Variants in GHR observed in about 807,000 individuals in gnomAD.
The protein encoded by GHR is GH receptor.
Under a neutral mutation model 67.1 loss-of-function variants are expected in GHR, and 35 were observed. The observed-to-expected ratio is 0.52, with a 90% CI of 0.40 to 0.69. The LOEUF (loss-of-function observed/expected upper bound fraction) is 0.69, where lower values mean the gene tolerates loss of function less well. Ranked by LOEUF, GHR falls within the 30% of genes least tolerant of loss-of-function variation. GHR has a pLI of 0.00. For synonymous variants in GHR, 272 were observed against 269.1 expected (o/e 1.01, Z -0.10); for missense variants, 792 against 764.6 (o/e 1.04, Z -0.42).
chr5:42,472,563 G>A (rs1205379288), intron 1 of GHR, among the ~76,000 whole-genome samples: 1 of 152,190 alleles, frequency 6.6e-6, no homozygotes, highest in Non-Finnish European at 1.5e-5. Flanking sequence ...TGCCTAAGTG[G>A]AACATGGTGT....
At chr5:42,443,988 TATAGAC>T (rs1343712079) in intron 1 of GHR, among the ~76,000 whole-genome samples, 91 of 151,610 alleles carry the variant, frequency 6.0e-4, no homozygotes, top group Non-Finnish European at 1.1e-3. Flanking sequence ...TAGATATAGA[TATAGAC>T]ATAGACATAG....
chr5:42,660,918 C>G (rs1462841050), intron 3 of GHR, among the ~76,000 whole-genome samples: 1 of 152,096 alleles, frequency 6.6e-6, no homozygotes, highest in Non-Finnish European at 1.5e-5. Flanking sequence ...CTTAAAGGAG[C>G]TGATGGAGCT....
chr5:42,488,434 A>T (rs1271394368), intron 1 of GHR, among the ~76,000 whole-genome samples: 1 of 152,120 alleles, frequency 6.6e-6, no homozygotes, highest in African/African-American at 2.4e-5. Context: ...GCGCACAATT[A>T]CTGTATTCTT....
chr5:42,564,130 GTGTGAGATTTATTTGAAA>G (rs1376013971), intron 1 of GHR, among the ~76,000 whole-genome samples: 2 of 149,502 alleles, frequency 1.3e-5, no homozygotes, highest in African/African-American at 2.5e-5. Context: ...ATCTCACAAA[GTGTGAGATTTATTTGAAA>G]TCTCACAAAG....
At chr5:42,547,752 C>G (rs1264309221) in intron 1 of GHR, among the ~76,000 whole-genome samples, 2 of 152,146 alleles carry the variant, frequency 1.3e-5, no homozygotes, top group Non-Finnish European at 2.9e-5. Context: ...CTACTTTATA[C>G]TGCTGACAAA....
chr5:42,464,874 A>G (rs902916439), intron 1 of GHR, among the ~76,000 whole-genome samples: 1 of 152,232 alleles, frequency 6.6e-6, no homozygotes, highest in African/African-American at 2.4e-5. Context: ...CCAGGTTAGA[A>G]GTAACTAGGG....
rs74333472 is a variant in GHR, at chr5:42,618,188, G to T, written c.71-10850G>T. Reference sequence around the variant, plus strand: ...TCACCATATCCATCTACATTTGCTTGCTAGTAGAGCTTCCATTTTCTACTG... The same window carrying T: ...TCACCATATCCATCTACATTTGCTTTCTAGTAGAGCTTCCATTTTCTACTG... On this transcript the variant is annotated intron_variant, in intron 2 of 9. Transcript: ENST00000230882. Among the ~76,000 whole-genome samples the T allele has an allele frequency of 9.0e-3, 1,365 of 152,136 alleles. 19 individuals are homozygous for T. The highest frequency in any genetic ancestry group is 0.032 in the African/African-American group (1,316 of 41,508).
chr5:42,576,079 TA>T (rs1209617331), intron 2 of GHR, among the ~76,000 whole-genome samples: 99 of 89,648 alleles, frequency 1.1e-3, no homozygotes, highest in Admixed American at 1.9e-3. Context: ...TAAAATAAAA[TA>T]AAATAAAATA....
intron 3 of GHR, among the ~76,000 whole-genome samples, chr5:42,653,544 G>T (rs1755109127): frequency 6.6e-6 from 1 of 152,116 alleles, no homozygotes; most frequent in Non-Finnish European, 1.5e-5. Flanking sequence ...TAATTCAGCT[G>T]TATTGGCACA....
intron 2 of GHR, among the ~76,000 whole-genome samples, chr5:42,604,923 A>C (rs2112647482): frequency 6.6e-6 from 1 of 152,032 alleles, no homozygotes; most frequent in South Asian, 2.1e-4. Flanking sequence ...TAGAGGATTT[A>C]TCTAGTTCTT....
chr5:42,683,495 T>C (rs1020895653), intron 3 of GHR, among the ~76,000 whole-genome samples: 1 of 152,234 alleles, frequency 6.6e-6, no homozygotes, highest in Non-Finnish European at 1.5e-5. Context: ...ATCCACTCCA[T>C]GCTGCCATAT....
chr5:42,640,458 T>G (rs1754409878), intron 3 of GHR, among the ~76,000 whole-genome samples: 2 of 152,196 alleles, frequency 1.3e-5, no homozygotes, highest in African/African-American at 2.4e-5. Context: ...TTACTGCTGC[T>G]GCTGCTGTTA....
At chr5:42,683,800 C>G (rs143230078) in intron 3 of GHR, among the ~76,000 whole-genome samples, 2 of 152,166 alleles carry the variant, frequency 1.3e-5, no homozygotes, top group African/African-American at 4.8e-5. Flanking sequence ...CAGACACACA[C>G]GTCATCACAT....
At chr5:42,711,008 A>T (rs1758428454) in intron 6 of GHR, among the ~76,000 whole-genome samples, 199 bp from the exon 7 acceptor site, 1 of 152,164 alleles carries the variant, frequency 6.6e-6, no homozygotes, top group South Asian at 2.1e-4. Context: ...GCCAAACTAA[A>T]TTTGTGAACT....
chr5:42,642,566 G>A (rs1158241990), intron 3 of GHR, among the ~76,000 whole-genome samples: 1 of 152,072 alleles, frequency 6.6e-6, no homozygotes, highest in Admixed American at 6.6e-5. Flanking sequence ...TTCTAGGTAG[G>A]TATGCCCATC....
intron 4 of GHR, among the ~76,000 whole-genome samples, chr5:42,689,386 G>T (rs1316331440): frequency 6.6e-6 from 1 of 152,194 alleles, no homozygotes; most frequent in African/African-American, 2.4e-5. Flanking sequence ...GTATGTGCAT[G>T]AGAATGTGTG....
At chr5:42,653,798 T>A (rs1308248477) in intron 3 of GHR, among the ~76,000 whole-genome samples, 1 of 152,192 alleles carries the variant, frequency 6.6e-6, no homozygotes, top group Non-Finnish European at 1.5e-5. Flanking sequence ...ACCTGACTGC[T>A]TGTCGCTGTT....
intron 1 of GHR, among the ~76,000 whole-genome samples, chr5:42,454,757 A>G (rs1744189822): frequency 6.6e-6 from 1 of 151,964 alleles, no homozygotes; most frequent in African/African-American, 2.4e-5. Flanking sequence ...CTGCTTGTGG[A>G]ACTCAGTCTT....
At chr5:42,494,858 T>C (rs1746253699) in intron 1 of GHR, among the ~76,000 whole-genome samples, 1 of 152,118 alleles carries the variant, frequency 6.6e-6, no homozygotes, top group South Asian at 2.1e-4. Context: ...TAAAAATGCA[T>C]TAGTTCTTTT....
Sources: gnomAD v4.1 joint callset for allele counts (sites outside exome capture counted in the v4.1 genomes callset) on GRCh38, gnomAD v4.1.1 for gene constraint, MANE v1.5 for transcripts, NCBI Gene and HGNC (gene_info 2026-07-23, HGNC 2026-07-21) for gene names.